DMD: variants seen among roughly 807,000 people sequenced by gnomAD.
DMD encodes the protein dystrophin, also known as mutant dystrophin.
A neutral mutation model predicts 330.1 loss-of-function variants in DMD; 63 were observed. The ratio of observed to expected loss-of-function variants is 0.19; its 90% CI spans 0.16 to 0.24. The LOEUF is 0.24. DMD is among the 10% of genes least tolerant of loss of function. The pLI is 1.00. For synonymous variants in DMD, 1,223 were observed against 959.8 expected (o/e 1.27, Z -5.07); for missense variants, 3,344 against 2,684.1 (o/e 1.25, Z -5.43).
At chrX:32,069,808 T>G in intron 44 of DMD, among the ~76,000 whole-genome samples, 1 of 111,883 alleles carries the variant, frequency 8.9e-6, no homozygotes, top group Middle Eastern at 4.7e-3. Context: ...CTCTGAACAC[T>G]GTTCTTCTAT....
intron 76 of DMD, among the ~76,000 whole-genome samples, chrX:31,141,852 G>A (rs1326139041): frequency 9.0e-6 from 1 of 111,538 alleles, no homozygotes; most frequent in Non-Finnish European, 1.9e-5. Context: ...AGCGCCCAGG[G>A]AGAGTGAAGA....
chrX:31,932,772 A>G (rs866403276), intron 45 of DMD, among the ~76,000 whole-genome samples: 1 of 104,310 alleles, frequency 9.6e-6, no homozygotes, highest in Non-Finnish European at 2.1e-5. Flanking sequence ...ACGTACGTAC[A>G]TACATACATA....
In DMD at chrX:32,885,741, A is replaced by C. The variant is rs549110062; in HGVS notation, c.94-35921T>G. Among the ~76,000 whole-genome samples the C allele has an allele frequency of 1.5e-4, 16 of 108,528 alleles. No homozygotes were observed. The South Asian group carries it at 6.6e-3, about 45-fold the overall frequency. 94.2% of individuals were successfully genotyped at this position (108,528 alleles called of 115,157 possible). ...GTGTTTTTCTGATGCATCACATAAA[A>C]TGTAGAAGCGAAATTTGAGGGTTTA... On this transcript the variant is annotated intron_variant, in intron 2 of 78. Coordinates refer to ENST00000357033, the MANE Select transcript of DMD (RefSeq NM_004006.3).
rs372627715 is a variant in DMD at position 32,158,953 on chromosome X, C to T, written c.6438+57963G>A. 1.3e-4 allele frequency among the ~76,000 whole-genome samples: 15 copies of T among 112,276 alleles called. No homozygotes were observed. The East Asian group carries it at 1.4e-3, about 11-fold the overall frequency. On this transcript the variant is annotated intron_variant, in intron 44 of 78. Coordinates refer to ENST00000357033, the MANE Select transcript of DMD (RefSeq NM_004006.3). Reference sequence around the variant, plus strand: ...TCACTAAAGTAACTTCCCCAAACTCCCATCAACTCTTCAACAAAAAACATC... The same window carrying T: ...TCACTAAAGTAACTTCCCCAAACTCTCATCAACTCTTCAACAAAAAACATC...
chrX:32,377,768 G>C (rs1216808123), intron 34 of DMD, among the ~76,000 whole-genome samples: 1 of 111,235 alleles, frequency 9.0e-6, no homozygotes, highest in East Asian at 2.8e-4. Context: ...TGACAATTAC[G>C]TATTGCATGC....
intron 18 of DMD, among the ~76,000 whole-genome samples, chrX:32,505,919 G>A (rs1245798013): frequency 3.6e-5 from 4 of 111,854 alleles, no homozygotes; most frequent in African/African-American, 6.5e-5. Flanking sequence ...ATATTTTACC[G>A]CAGGATTTCA....
In DMD at chrX:32,614,284, C is replaced by A. The variant is rs769570912; in HGVS notation, c.1482+19G>T. ...AGTTTGCTTTCTAGTAGAAAGCACGCAACATAAGATACACCTACCTTATGT... is the reference window on the plus strand; with the variant it reads ...AGTTTGCTTTCTAGTAGAAAGCACGAAACATAAGATACACCTACCTTATGT... On this transcript the variant is annotated intron_variant, in intron 12 of 78. Coordinates refer to ENST00000357033, the MANE Select transcript of DMD (RefSeq NM_004006.3). 1.7e-6 allele frequency: 2 copies of A among 1,207,126 alleles called. No individual in the cohort carries two copies. Among genetic ancestry groups the A allele is most frequent in the East Asian group, 3.0e-5 (1 of 33,717 alleles).
At chrX:31,194,578 A>G (rs1217997241) in intron 67 of DMD, among the ~76,000 whole-genome samples, 2 of 112,602 alleles carry the variant, frequency 1.8e-5, no homozygotes, top group Non-Finnish European at 3.8e-5. Context: ...GGAGGTAAGT[A>G]GAGCGAAAAG....
chrX:32,287,152 A>G (rs960963277), intron 43 of DMD, among the ~76,000 whole-genome samples: 1 of 111,779 alleles, frequency 8.9e-6, no homozygotes, highest in Non-Finnish European at 1.9e-5. Context: ...ATTGATAGGT[A>G]GTATTTTAAA....
chrX:32,959,535 A>G (rs1178334073), intron 2 of DMD, among the ~76,000 whole-genome samples: 4 of 111,174 alleles, frequency 3.6e-5, no homozygotes, highest in African/African-American at 9.8e-5. Context: ...TTTTCCTTCA[A>G]TATCGGGCTA....
intron 2 of DMD, among the ~76,000 whole-genome samples, chrX:32,989,226 T>C (rs2092919556): frequency 9.0e-6 from 1 of 111,459 alleles, no homozygotes. Context: ...TCAGAACATA[T>C]GTCAAACAGA....
At chrX:33,004,850 T>C (rs2093360478) in intron 2 of DMD, among the ~76,000 whole-genome samples, 1 of 111,489 alleles carries the variant, frequency 9.0e-6, no homozygotes, top group African/African-American at 3.3e-5. Flanking sequence ...AATGTGTTTC[T>C]TGTTTTTGCT....
chrX:32,929,834 T>C (rs1488003077), intron 2 of DMD, among the ~76,000 whole-genome samples: 2 of 111,602 alleles, frequency 1.8e-5, no homozygotes, highest in Non-Finnish European at 3.8e-5. Flanking sequence ...GTTCCTGTTT[T>C]AGTTTGCTGA....
At chrX:32,410,111 A>G (rs55768447) in intron 30 of DMD, among the ~76,000 whole-genome samples, 16,023 of 110,943 alleles carry the variant, frequency 0.14, 989 homozygotes, top group African/African-American at 0.22. Flanking sequence ...GTAGGTTTGT[A>G]TAAACCTATC....
At chrX:32,842,953 T>C (rs1464899636) in intron 4 of DMD, among the ~76,000 whole-genome samples, 1 of 111,130 alleles carries the variant, frequency 9.0e-6, no homozygotes, top group African/African-American at 3.3e-5. Flanking sequence ...ATTACAGGCA[T>C]GCACCAGCAT....
chrX:32,911,977 C>T (rs1372274564), intron 2 of DMD, among the ~76,000 whole-genome samples: 1 of 105,195 alleles, frequency 9.5e-6, no homozygotes, highest in East Asian at 3.1e-4. Flanking sequence ...CACTATTACC[C>T]TTAAAGTACA....
chrX:32,855,981 C>A (rs6527233), intron 2 of DMD, among the ~76,000 whole-genome samples: 55,519 of 110,408 alleles, frequency 0.5, 10,796 homozygotes, highest in African/African-American at 0.71. Flanking sequence ...TATATATAAT[C>A]ATCTGATTGA....
intron 51 of DMD, among the ~76,000 whole-genome samples, chrX:31,734,773 G>A (rs1433155749): frequency 9.0e-6 from 1 of 111,365 alleles, no homozygotes; most frequent in Non-Finnish European, 1.9e-5. Context: ...ATTATGGTAG[G>A]GGAAACATGG....
At chrX:33,083,038 GAGAA>G (rs1426197421) in intron 1 of DMD, among the ~76,000 whole-genome samples, 1 of 110,919 alleles carries the variant, frequency 9.0e-6, no homozygotes, top group Non-Finnish European at 1.9e-5. Flanking sequence ...TAACAATGCA[GAGAA>G]AGAGAGAGAG....
Sources: allele counts gnomAD v4.1 joint callset (sites outside exome capture counted in the v4.1 genomes callset), GRCh38; gene constraint gnomAD v4.1.1; transcripts MANE v1.5; gene names NCBI Gene and HGNC (gene_info 2026-07-23, HGNC 2026-07-21).